The following PTPRG variants were observed in gnomAD, a reference collection of about 807,000 sequenced individuals.
PTPRG encodes the protein protein tyrosine phosphatase receptor type G, also known as receptor-type tyrosine-protein phosphatase gamma.
Under a neutral mutation model 165.3 loss-of-function variants are expected in PTPRG, and 102 were observed. The ratio of observed to expected loss-of-function variants is 0.62; its 90% CI spans 0.53 to 0.73. PTPRG has a LOEUF of 0.73. Ranked by LOEUF, PTPRG falls within the 30% of genes least tolerant of loss-of-function variation. The pLI, the probability that PTPRG is intolerant of heterozygous loss-of-function variation, is 0.00. For synonymous variants in PTPRG, 675 were observed against 669.5 expected (o/e 1.01, Z -0.13); for missense variants, 1,866 against 1,861.4 (o/e 1.00, Z -0.05).
chr3:62,253,325 T>C (rs1701464221), intron 15 of PTPRG, among the ~76,000 whole-genome samples: 1 of 152,228 alleles, frequency 6.6e-6, no homozygotes, highest in Non-Finnish European at 1.5e-5. Context: ...TTCAACTTAT[T>C]ACTCTGCTAA....
At chr3:62,180,908 C>G (rs1409883182) in intron 8 of PTPRG, among the ~76,000 whole-genome samples, 1 of 152,206 alleles carries the variant, frequency 6.6e-6, no homozygotes, top group Non-Finnish European at 1.5e-5. Context: ...TTCCCAGATA[C>G]TGCCTATTTC....
chr3:62,268,477 CCCAAAA>C (rs1481024191), intron 19 of PTPRG, among the ~76,000 whole-genome samples: 2 of 151,732 alleles, frequency 1.3e-5, no homozygotes. Flanking sequence ...GCACATGTAC[CCCAAAA>C]CTAAAACTAA....
chr3:61,830,823 C>G (rs1418368888), intron 2 of PTPRG, among the ~76,000 whole-genome samples: 1 of 152,192 alleles, frequency 6.6e-6, no homozygotes, highest in African/African-American at 2.4e-5. Flanking sequence ...ATCCACCTGC[C>G]TCGGCCTTCC....
intron 2 of PTPRG, among the ~76,000 whole-genome samples, chr3:61,890,826 A>G (rs1328788688): frequency 6.6e-6 from 1 of 152,200 alleles, no homozygotes; most frequent in Non-Finnish European, 1.5e-5. Context: ...GACATTGCTT[A>G]TGTAAGTGTG....
chr3:61,693,946 T>G (rs2030386593), intron 1 of PTPRG, among the ~76,000 whole-genome samples: 1 of 146,548 alleles, frequency 6.8e-6, no homozygotes, highest in African/African-American at 2.6e-5. Flanking sequence ...AGGCAGAGGT[T>G]ACAGTGAGCC....
intron 13 of PTPRG, among the ~76,000 whole-genome samples, chr3:62,230,920 C>G (rs1331449095): frequency 6.6e-6 from 1 of 152,282 alleles, no homozygotes; most frequent in African/African-American, 2.4e-5. Context: ...ATATGAATGA[C>G]AAGGGTCATC....
intron 1 of PTPRG, among the ~76,000 whole-genome samples, chr3:61,584,017 T>C (rs1700372447): frequency 1.3e-5 from 2 of 152,204 alleles, no homozygotes; most frequent in African/African-American, 4.8e-5. Context: ...AATAATCCTT[T>C]AATAGTGGTT....
intron 1 of PTPRG, among the ~76,000 whole-genome samples, chr3:61,647,791 C>CAAAAAAAAAAAAAAAAAAAAAAAA: frequency 1.1e-5 from 1 of 93,156 alleles, no homozygotes. Context: ...GACTCCGTCT[C>CAAAAAAAAAAAAAAAAAAAAAAAA]AAAAAAAAAA....
chr3:61,854,265 G>A (rs2037042504), intron 2 of PTPRG, among the ~76,000 whole-genome samples: 1 of 152,154 alleles, frequency 6.6e-6, no homozygotes, highest in African/African-American at 2.4e-5. Flanking sequence ...TTTGAGGTGG[G>A]ATGGTTTCAC....
chr3:61,741,176 G>A (rs957978755), intron 1 of PTPRG, among the ~76,000 whole-genome samples: 5 of 152,174 alleles, frequency 3.3e-5, no homozygotes, highest in African/African-American at 1.2e-4. Context: ...GTGCTCAATG[G>A]AGATTTCACC....
At chr3:62,207,870 G>A (rs1229194228) in intron 12 of PTPRG, among the ~76,000 whole-genome samples, 1 of 152,112 alleles carries the variant, frequency 6.6e-6, no homozygotes, top group African/African-American at 2.4e-5. Context: ...TTAGGGAGTG[G>A]TAAGGACTGC....
At chr3:61,642,271 C>T (rs1702087324) in intron 1 of PTPRG, among the ~76,000 whole-genome samples, 1 of 152,138 alleles carries the variant, frequency 6.6e-6, no homozygotes. Context: ...GTAAAGCCAT[C>T]ATTCAGTTGA....
chr3:61,688,903 C>T (rs183727805), intron 1 of PTPRG, among the ~76,000 whole-genome samples: 6 of 152,312 alleles, frequency 3.9e-5, no homozygotes, highest in African/African-American at 1.4e-4. Context: ...CTGTCCTGCC[C>T]TGCTTCTCAA....
chr3:61,742,411 T>TTTG (rs1309785883), intron 1 of PTPRG: 3 of 1,227,896 alleles, frequency 2.4e-6, no homozygotes, highest in Non-Finnish European at 3.2e-6. Context: ...GAATTTTTTT[T>TTTG]TTTTTTTTTT....
chr3:62,209,510 G>C (rs926963234), intron 12 of PTPRG, among the ~76,000 whole-genome samples: 1 of 152,222 alleles, frequency 6.6e-6, no homozygotes, highest in African/African-American at 2.4e-5. Flanking sequence ...TCTAGGGATT[G>C]GGAGCACTGC....
At chr3:61,694,881 C>T (rs1020348545) in intron 1 of PTPRG, among the ~76,000 whole-genome samples, 1 of 152,102 alleles carries the variant, frequency 6.6e-6, no homozygotes, top group Admixed American at 6.5e-5. Flanking sequence ...TCACTCTCAC[C>T]CTCACTCTCT....
chr3:61,925,331 A>C (rs113311222), intron 2 of PTPRG, among the ~76,000 whole-genome samples: 177 of 152,272 alleles, frequency 1.2e-3, no homozygotes, highest in African/African-American at 4.0e-3. Flanking sequence ...TGTGGGTCCA[A>C]AATGGTTCCA....
At chr3:62,081,011 A>T (rs1399381446) in intron 5 of PTPRG, among the ~76,000 whole-genome samples, 1 of 151,894 alleles carries the variant, frequency 6.6e-6, no homozygotes, top group Non-Finnish European at 1.5e-5. Context: ...TAATCCCAGC[A>T]CTTTGGAAGG....
chr3:62,275,484 G>T (rs956271373), intron 23 of PTPRG, among the ~76,000 whole-genome samples: 1 of 152,116 alleles, frequency 6.6e-6, no homozygotes, highest in African/African-American at 2.4e-5. Context: ...TACAATCAAG[G>T]TCACTGAGAG....
Sources: gnomAD v4.1 joint callset for allele counts (sites outside exome capture counted in the v4.1 genomes callset) on GRCh38, gnomAD v4.1.1 for gene constraint, MANE v1.5 for transcripts, NCBI Gene and HGNC (gene_info 2026-07-23, HGNC 2026-07-21) for gene names.